The following NPHP4 variants were observed in gnomAD, a reference collection of about 807,000 sequenced individuals.
NPHP4 encodes the protein nephrocystin-4.
Under a neutral mutation model 155.8 loss-of-function variants are expected in NPHP4, and 151 were observed. That is an observed-to-expected ratio of 0.97 (90% CI 0.85 to 1.11). NPHP4 has a LOEUF of 1.11. Ranked by LOEUF, NPHP4 falls within the 50% of genes least tolerant of loss-of-function variation. The pLI is 0.00. For synonymous variants in NPHP4, 845 were observed against 816.8 expected (o/e 1.03, Z -0.59); for missense variants, 1,956 against 1,925.7 (o/e 1.02, Z -0.29).
intron 2 of NPHP4, among the ~76,000 whole-genome samples, chr1:5,984,989 A>G (rs115119105): frequency 7.0e-4 from 106 of 152,318 alleles, no homozygotes; most frequent in Non-Finnish European, 1.3e-3. Context: ...AGCCTCATAG[A>G]GCTGCTCTGA....
chr1:5,992,170 T>G (rs1656492098), intron 1 of NPHP4, 74 bp downstream of exon 1: 1 of 152,174 alleles, frequency 6.6e-6, no homozygotes, highest in East Asian at 1.9e-4. Context: ...TGAGGCCCCC[T>G]GTGCCTCGAG....
At chr1:5,947,060 A>C in intron 9 of NPHP4, 44 bp downstream of exon 9, 3 of 1,610,948 alleles carry the variant, frequency 1.9e-6, no homozygotes, top group Non-Finnish European at 2.5e-6. Flanking sequence ...TCACACACAG[A>C]GTTCACCACC....
intron 16 of NPHP4, among the ~76,000 whole-genome samples, chr1:5,901,234 G>C (rs1275742856): frequency 6.6e-6 from 1 of 152,154 alleles, no homozygotes; most frequent in Non-Finnish European, 1.5e-5. Flanking sequence ...CTGGCAATCT[G>C]TCTTTACCGT....
At position 5,891,098 on chromosome 1, in the gene NPHP4, T is replaced by C. The variant is rs369093834; in HGVS notation, c.2144-70A>G. ...TCATCATCTTTACACTTGGAAGAGA[T>C]TTCAGCTCTGGTCATGATTACTAAT... On this transcript the variant is annotated intron_variant, in intron 16 of 29. Transcript: ENST00000378156. The C allele has an allele frequency of 8.4e-6, 10 of 1,184,588 alleles. No homozygotes were observed. In the African/African-American group the frequency reaches 1.5e-4, roughly 18 times the overall value. The allele number at this position is 1,184,588 out of a possible 1,614,324, so 73.4% of individuals were successfully genotyped here.
At chr1:5,985,028 C>A (rs116717649) in intron 2 of NPHP4, among the ~76,000 whole-genome samples, 3,383 of 152,288 alleles carry the variant, frequency 0.022, 61 homozygotes, top group Middle Eastern at 0.071. Flanking sequence ...CAGTGAAGTG[C>A]TAGAAGTAAA....
chr1:5,882,220 G>A lies in NPHP4; in HGVS notation c.2486-1981C>T, dbSNP rs1037964956. The A allele has an allele frequency of 2.8e-5, 4 of 144,622 alleles. No homozygotes were observed. The highest frequency in any genetic ancestry group is 4.2e-4 in the East Asian group (2 of 4,760). 9.0% of individuals were successfully genotyped at this position (144,622 alleles called of 1,614,324 possible). ...TTACCCAGCCATCTCTCAGTGGCGC[G>A]CTTACCCAGCCATCTCTCAGTGGCG... On this transcript the variant is annotated intron_variant, in intron 18 of 29. Coordinates refer to ENST00000378156, the MANE Select transcript of NPHP4 (RefSeq NM_015102.5). The surrounding 1 kb of genome is among the most constrained non-coding windows in gnomAD (Gnocchi z 5.1).
intron 6 of NPHP4, among the ~76,000 whole-genome samples, chr1:5,953,064 T>C (rs1008632532): frequency 3.3e-5 from 5 of 151,678 alleles, no homozygotes; most frequent in African/African-American, 9.7e-5. Flanking sequence ...AGGAACAGTT[T>C]TTCTGTTGTT....
At chr1:5,866,235 G>A (rs951175177) in intron 26 of NPHP4, 138 bp downstream of exon 26, 10 of 713,474 alleles carry the variant, frequency 1.4e-5, no homozygotes, top group African/African-American at 7.0e-5. Context: ...GCAGAATCCC[G>A]CCTCACAAAG....
chr1:5,951,036 T>C (rs761848523), intron 7 of NPHP4, among the ~76,000 whole-genome samples: 12 of 152,228 alleles, frequency 7.9e-5, no homozygotes, highest in East Asian at 5.8e-4. Flanking sequence ...TACGACTTCA[T>C]TTAAAGATAG....
At chr1:5,991,029 C>G (rs1031075674) in intron 1 of NPHP4, among the ~76,000 whole-genome samples, 1 of 152,022 alleles carries the variant, frequency 6.6e-6, no homozygotes, top group Non-Finnish European at 1.5e-5. Context: ...AACAGGCCCC[C>G]GGGAGGGTGC....
At chr1:5,956,119 T>C (rs533483923) in intron 6 of NPHP4, among the ~76,000 whole-genome samples, 2 of 151,508 alleles carry the variant, frequency 1.3e-5, no homozygotes, top group Admixed American at 1.3e-4. Flanking sequence ...CAAAGGCCAT[T>C]TCCCAGACCG....
chr1:5,945,677 G>A (rs919738936), intron 9 of NPHP4, among the ~76,000 whole-genome samples: 2 of 152,200 alleles, frequency 1.3e-5, no homozygotes, highest in African/African-American at 4.8e-5. Flanking sequence ...CTGAGAGAGC[G>A]GCCCAGTCGC....
At chr1:5,949,369 C>CACACACACACACACACACACACACACAAT (rs1047844844) in intron 7 of NPHP4, among the ~76,000 whole-genome samples, 2 of 151,944 alleles carry the variant, frequency 1.3e-5, no homozygotes, top group African/African-American at 4.8e-5. Flanking sequence ...CACACACACA[C>CACACACACACACACACACACACACACAAT]AACTTGCTAA....
intron 16 of NPHP4, among the ~76,000 whole-genome samples, chr1:5,891,508 C>T (rs933729782): frequency 6.6e-6 from 1 of 152,210 alleles, no homozygotes; most frequent in African/African-American, 2.4e-5. Flanking sequence ...GCACCTGCCC[C>T]GTGGGTATCC....
At chr1:5,963,388 C>T (rs1178083747) in intron 5 of NPHP4, among the ~76,000 whole-genome samples, 1 of 151,346 alleles carries the variant, frequency 6.6e-6, no homozygotes, top group Non-Finnish European at 1.5e-5. Flanking sequence ...GAGATTCCAT[C>T]TCAAAATAAA....
intron 11 of NPHP4, among the ~76,000 whole-genome samples, chr1:5,909,723 G>A (rs574725069): frequency 1.3e-5 from 2 of 152,266 alleles, no homozygotes; most frequent in African/African-American, 2.4e-5. Context: ...ATGCAGGCCC[G>A]GTAACACTGG....
At chr1:5,961,705 C>T (rs1304213987) in intron 6 of NPHP4, 89 bp downstream of exon 6, 7 of 1,323,736 alleles carry the variant, frequency 5.3e-6, no homozygotes, top group Non-Finnish European at 7.4e-6. Context: ...GCCCACGCTG[C>T]CCCCAGAAGA....
At chr1:5,973,348 C>T (rs1402693530) in intron 3 of NPHP4, among the ~76,000 whole-genome samples, 4 of 152,246 alleles carry the variant, frequency 2.6e-5, no homozygotes, top group Non-Finnish European at 5.9e-5. Flanking sequence ...AAGAGCAACT[C>T]CTTGGCTTAC....
At chr1:5,940,871 T>C (rs1479331210) in intron 9 of NPHP4, among the ~76,000 whole-genome samples, 1 of 152,230 alleles carries the variant, frequency 6.6e-6, no homozygotes, top group Non-Finnish European at 1.5e-5. Flanking sequence ...TAAAATTCTC[T>C]CTAAATTCAA....
Sources: gnomAD v4.1 joint callset for allele counts (sites outside exome capture counted in the v4.1 genomes callset) on GRCh38, gnomAD v4.1.1 for gene constraint, Gnocchi (gnomAD v3.1) non-coding constraint, MANE v1.5 for transcripts, NCBI Gene and HGNC (gene_info 2026-07-23, HGNC 2026-07-21) for gene names.